The following ZFHX3 variants were observed in gnomAD, a reference collection of about 807,000 sequenced individuals.
ZFHX3 encodes the protein zinc finger homeobox protein 3.
ZFHX3 carries 42 observed loss-of-function variants against 279.1 expected under a neutral mutation model. The ratio of observed to expected loss-of-function variants is 0.15; its 90% CI spans 0.12 to 0.19. The LOEUF (loss-of-function observed/expected upper bound fraction) is 0.19, where lower values mean the gene tolerates loss of function less well. Ranked by LOEUF, ZFHX3 falls within the 10% of genes least tolerant of loss-of-function variation. The pLI, the probability that ZFHX3 is intolerant of heterozygous loss-of-function variation, is 1.00. For synonymous variants in ZFHX3, 2,293 were observed against 1,957.8 expected, an observed-to-expected ratio of 1.17 and a Z score of -4.52; for missense variants, 4,981 against 4,754.0, an observed-to-expected ratio of 1.05 and a Z score of -1.40.
chr16:72,958,055 C>T lies in ZFHX3; in HGVS notation c.2091G>A (p.Pro697=), dbSNP rs139533258. The change falls in exon 2 of 10, where the codon CCG becomes CCA. Residue 697 remains proline, a synonymous_variant. Coordinates refer to ENST00000268489, the MANE Select transcript of ZFHX3 (RefSeq NM_006885.4). ...TTTTGCAGTAGACACAGGAGCCCCCCGGCTCCGGGTGCTTCTCCTTCATGT... is the reference window on the plus strand; with the variant it reads ...TTTTGCAGTAGACACAGGAGCCCCCTGGCTCCGGGTGCTTCTCCTTCATGT... ...EAHMKEKHPE[P]GGSCVYCKSG... 708 of 1,613,648 alleles carry T rather than the reference C, an allele frequency of 4.4e-4. No individual in the cohort carries two copies. Among genetic ancestry groups the T allele is most frequent in the Non-Finnish European group, 5.6e-4 (662 of 1,180,038 alleles).
chr16:73,744,633 C>A (rs1410087254), intron 1 of ZFHX3, among the ~76,000 whole-genome samples: 2 of 152,076 alleles, frequency 1.3e-5, no homozygotes, highest in Non-Finnish European at 2.9e-5. Flanking sequence ...TCTTTGCTGC[C>A]CCTCTTTTTG....
chr16:73,168,917 T>C (rs1180672637), intron 5 of ZFHX3, among the ~76,000 whole-genome samples: 1 of 152,204 alleles, frequency 6.6e-6, no homozygotes, highest in Admixed American at 6.5e-5. Context: ...CATCTTCCCT[T>C]GCTACTTCAA....
intron 2 of ZFHX3, among the ~76,000 whole-genome samples, chr16:73,607,491 C>T (rs1452190395): frequency 6.6e-6 from 1 of 152,172 alleles, no homozygotes; most frequent in Non-Finnish European, 1.5e-5. Context: ...TTCACAATAG[C>T]AAAGACATAG....
Position 73,729,587 on chromosome 16 carries a change from A to C in ZFHX3, c.-1607-49347T>G, listed in dbSNP as rs900682539. Among the ~76,000 whole-genome samples, 5 of 152,182 alleles carry C rather than the reference A, an allele frequency of 3.3e-5. No homozygotes were observed. The East Asian group carries it at 9.7e-4, about 29-fold the overall frequency. ...AAAAAAAAAACCTGGGCGATTTCCC[A>C]GATAAATGACTTACATCAAATCCTT... On this transcript the variant is annotated intron_variant, in intron 1 of 17. Transcript: ENST00000641206.
At chr16:73,282,048 G>C (rs1172171694) in intron 4 of ZFHX3, among the ~76,000 whole-genome samples, 5 of 152,186 alleles carry the variant, frequency 3.3e-5, no homozygotes, top group African/African-American at 4.8e-5. Context: ...CAATTCTAAA[G>C]AAAACTGAAG....
intron 1 of ZFHX3, among the ~76,000 whole-genome samples, chr16:73,705,430 T>C (rs1421470846): frequency 6.6e-6 from 1 of 152,170 alleles, no homozygotes; most frequent in Non-Finnish European, 1.5e-5. Flanking sequence ...GAGCTGGCCA[T>C]TGGACCTTGG....
chr16:73,146,894 C>A (rs1966866048), intron 5 of ZFHX3, among the ~76,000 whole-genome samples: 1 of 152,132 alleles, frequency 6.6e-6, no homozygotes, highest in South Asian at 2.1e-4. Flanking sequence ...TGGGCTCAAG[C>A]CATCCACCTG....
At chr16:73,626,771 T>C (rs1008037557) in intron 2 of ZFHX3, among the ~76,000 whole-genome samples, 5 of 152,214 alleles carry the variant, frequency 3.3e-5, no homozygotes, top group Non-Finnish European at 7.3e-5. Context: ...TCTGCACTCC[T>C]TAAATTGTTT....
chr16:73,552,693 G>A (rs774498111), intron 2 of ZFHX3, among the ~76,000 whole-genome samples: 30 of 151,494 alleles, frequency 2.0e-4, no homozygotes, highest in Admixed American at 7.2e-4. Context: ...CAGAGGACAT[G>A]AGTGTAAATG....
At position 72,958,663 on chromosome 16, in the gene ZFHX3, A is replaced by G. The variant is rs1299827763; in HGVS notation, c.1483T>C (p.Phe495Leu). 1 of 1,613,580 alleles carries G rather than the reference A, an allele frequency of 6.2e-7. No homozygotes were observed. The highest frequency in any genetic ancestry group is 8.5e-7 in the Non-Finnish European group (1 of 1,179,854). The change falls in exon 2 of 10, where the codon TTT becomes CTT. Residue 495 changes from phenylalanine to leucine, a missense_variant. Transcript: ENST00000268489. Reference sequence around the variant, plus strand: ...AGTTCCTCATCCAACTCGCTTGGAAAGAGTCCTTTGCAACCCTCGTCTTCC... The same window carrying G: ...AGTTCCTCATCCAACTCGCTTGGAAGGAGTCCTTTGCAACCCTCGTCTTCC... Reference protein sequence around the residue: ...EEEDEGCKGLFPSELDEELED... With the variant: ...EEEDEGCKGLLPSELDEELED...
chr16:73,646,014 T>A (rs958128410), intron 2 of ZFHX3, among the ~76,000 whole-genome samples: 2 of 152,092 alleles, frequency 1.3e-5, no homozygotes, highest in Admixed American at 1.3e-4. Context: ...AGTCTGAAAA[T>A]CGATATAGCC....
chr16:73,751,908 A>C (rs1223427020), intron 1 of ZFHX3, among the ~76,000 whole-genome samples: 1 of 152,182 alleles, frequency 6.6e-6, no homozygotes. Flanking sequence ...CTGGGGAAAG[A>C]ATCTACAGCC....
chr16:73,763,020 C>A (rs1349457729), intron 1 of ZFHX3, among the ~76,000 whole-genome samples: 1 of 152,032 alleles, frequency 6.6e-6, no homozygotes, highest in Non-Finnish European at 1.5e-5. Context: ...AAGTGGGATT[C>A]CTTCCCCTAA....
rs141078250 is a variant in ZFHX3 at position 72,851,689 on chromosome 16, G to A, written c.3449-21830C>T. Among the ~76,000 whole-genome samples the A allele has an allele frequency of 5.4e-3, 824 of 152,026 alleles. 11 individuals carry two copies. Among genetic ancestry groups the A allele is most frequent in the East Asian group, 0.041 (214 of 5,160 alleles). On this transcript the variant is annotated intron_variant, in intron 4 of 9. Transcript: ENST00000268489. ...CCTGCCTCAGCCTCCCGAGTAGCTG[G>A]GATTACAGGCCCCTACCACCACGGC... is the stretch of plus-strand genomic sequence containing the variant.
chr16:73,393,243 C>T (rs764694218), intron 3 of ZFHX3, among the ~76,000 whole-genome samples: 5 of 152,200 alleles, frequency 3.3e-5, no homozygotes, highest in Non-Finnish European at 7.3e-5. Flanking sequence ...GCCATTGTAC[C>T]CGGCCCTTCC....
Position 72,957,622 on chromosome 16 carries a change from T to A in ZFHX3, c.2524A>T (p.Ile842Phe), listed in dbSNP as rs1441865997. The A allele has an allele frequency of 6.2e-7, 1 of 1,614,146 alleles. No individual in the cohort carries two copies. The highest frequency in any genetic ancestry group is 2.2e-5 in the East Asian group (1 of 44,874). The change falls in exon 2 of 10, where the codon ATC becomes TTC. Residue 842 changes from isoleucine (I) to phenylalanine (F), a missense_variant. Ile to Phe is a conservative substitution (Grantham distance 21). This residue lies in a region of ZFHX3 where 1,751 missense variants were observed against 1,770.0 expected (regional missense o/e 0.99). Coordinates refer to ENST00000268489, the MANE Select transcript of ZFHX3 (RefSeq NM_006885.4). Reference sequence around the variant, plus strand: ...AGGCCCAGGTGGCGGTTGTGTTGGATCTGGGTCATGTTCTGTTGCAGTAAC... The same window carrying A: ...AGGCCCAGGTGGCGGTTGTGTTGGAACTGGGTCATGTTCTGTTGCAGTAAC... ...MMLLQQNMTQIQHNRHLGLGS... is the reference protein window; with the variant it reads ...MMLLQQNMTQFQHNRHLGLGS...
Position 73,151,667 on chromosome 16 carries a change from T to C in ZFHX3, c.-1103-7836A>G, listed in dbSNP as rs1013372492. Reference sequence around the variant, plus strand: ...CCCGAGAAATAAAAACACATTTAGGTCTGTCCTACGTGTTGAGGTCTGACG... The same window carrying C: ...CCCGAGAAATAAAAACACATTTAGGCCTGTCCTACGTGTTGAGGTCTGACG... On this transcript the variant is annotated intron_variant, in intron 5 of 17. Coordinates refer to the ZFHX3 transcript ENST00000641206. Among the ~76,000 whole-genome samples the C allele has an allele frequency of 2.0e-5, 3 of 152,050 alleles. No individual in the cohort carries two copies. The South Asian group carries it at 6.2e-4, about 32-fold the overall frequency.
intron 6 of ZFHX3, among the ~76,000 whole-genome samples, chr16:73,133,127 C>G (rs1295110622): frequency 6.6e-6 from 1 of 152,178 alleles, no homozygotes; most frequent in Non-Finnish European, 1.5e-5. Context: ...GTCTGGGCAT[C>G]TCTTGGGAAT....
At chr16:73,818,512 G>A (rs532082808) in intron 1 of ZFHX3, among the ~76,000 whole-genome samples, 6 of 152,310 alleles carry the variant, frequency 3.9e-5, no homozygotes, top group African/African-American at 1.4e-4. Flanking sequence ...CTGTGAGGCT[G>A]AAACCTAGGA....
Sources: gnomAD v4.1 joint callset for allele counts (sites outside exome capture counted in the v4.1 genomes callset) on GRCh38, gnomAD v4.1.1 for gene constraint, gnomAD v4.1.1 regional missense constraint, MANE v1.5 for transcripts, NCBI Gene and HGNC (gene_info 2026-07-23, HGNC 2026-07-21) for gene names.